Variants in DHRS9 observed in about 807,000 individuals in gnomAD.
The protein encoded by DHRS9 is dehydrogenase/reductase SDR family member 9.
In DHRS9, 18 loss-of-function variants were observed where a neutral mutation model predicts 26.6. The ratio of observed to expected loss-of-function variants is 0.68; its 90% confidence interval spans 0.47 to 1.00. DHRS9 has a LOEUF of 1.00. DHRS9 is among the 50% of genes least tolerant of loss of function. DHRS9 has a pLI of 0.00. For synonymous variants in DHRS9, 134 were observed against 141.1 expected, an observed-to-expected ratio of 0.95 and a Z score of 0.36; for missense variants, 425 against 378.7, an observed-to-expected ratio of 1.12 and a Z score of -1.01.
chr2:169,087,418 A>G (rs2105297870), intron 3 of DHRS9, among the ~76,000 whole-genome samples: 1 of 152,126 alleles, frequency 6.6e-6, no homozygotes, highest in Admixed American at 6.5e-5. Flanking sequence ...GAGAAATGCC[A>G]TCTAAGAGCC....
rs754346896 is a variant in DHRS9 at position 169,081,752 on chromosome 2, C to A, written c.171C>A (p.Ile57=). 3 of 1,614,156 alleles carry A rather than the reference C, an allele frequency of 1.9e-6. No individual in the cohort carries two copies. The highest frequency in any genetic ancestry group is 2.5e-6 in the Non-Finnish European group (3 of 1,180,026). The change falls in exon 2 of 5, where the codon ATC becomes ATA. Residue 57 remains isoleucine (I), a synonymous_variant. Transcript: ENST00000674881. ...TTGATAAAAAGGGATTTCATGTAAT[C>A]GCTGCCTGTCTGACTGAATCAGGAT... ...RTFDKKGFHV[I]AACLTESGST...
chr2:169,073,703 G>C (rs1324835046), intron 1 of DHRS9, among the ~76,000 whole-genome samples: 1 of 152,036 alleles, frequency 6.6e-6, no homozygotes, highest in Non-Finnish European at 1.5e-5. Flanking sequence ...TTTATATAGA[G>C]GGAAATTAAT....
chr2:169,094,051 C>T (rs1394144468), intron 4 of DHRS9, among the ~76,000 whole-genome samples: 12 of 152,188 alleles, frequency 7.9e-5, no homozygotes, highest in African/African-American at 2.7e-4. Context: ...TACATTCTCA[C>T]AAACAGTATA....
At chr2:169,081,431 T>A (rs1187400485) in intron 1 of DHRS9, 92 bp from the exon 2 acceptor site, 1 of 1,382,470 alleles carries the variant, frequency 7.2e-7, no homozygotes, top group Non-Finnish European at 9.5e-7. Context: ...TTATCCACAC[T>A]AATGCATTAA....
upstream of DHRS9, chr2:169,067,304 T>A (rs1420035140): frequency 7.8e-6 from 12 of 1,533,158 alleles, no homozygotes; most frequent in Non-Finnish European, 8.7e-6. Context: ...CATCTTAGAA[T>A]GATCTGTGAC....
intron 3 of DHRS9, among the ~76,000 whole-genome samples, chr2:169,084,437 A>T (rs1476437377): frequency 6.6e-6 from 1 of 152,152 alleles, no homozygotes; most frequent in Non-Finnish European, 1.5e-5. Flanking sequence ...TAGTGGTTGT[A>T]CTAATTTACA....
At chr2:169,070,261 A>C (rs1029180902) in intron 1 of DHRS9, 2 of 985,258 alleles carry the variant, frequency 2.0e-6, no homozygotes, top group African/African-American at 3.5e-5. Context: ...ATTCCCAACA[A>C]TTCATATTTG....
At chr2:169,078,450 C>T (rs986162123) in intron 1 of DHRS9, among the ~76,000 whole-genome samples, 33 of 152,290 alleles carry the variant, frequency 2.2e-4, no homozygotes, top group Admixed American at 1.2e-3. Context: ...AAACATTTCG[C>T]CTTTCGGTGA....
chr2:169,094,403 C>A (rs1350152688), intron 4 of DHRS9, among the ~76,000 whole-genome samples: 1 of 152,056 alleles, frequency 6.6e-6, no homozygotes. Context: ...GTTTCCTTTG[C>A]TGTGCAGAAG....
chr2:169,081,757 C>T lies in DHRS9; in HGVS notation c.176C>T (p.Ala59Val). ...FDKKGFHVIAACLTESGSTAL... is the reference protein window; with the variant it reads ...FDKKGFHVIAVCLTESGSTAL... ...AAAAAGGGATTTCATGTAATCGCTG[C>T]CTGTCTGACTGAATCAGGATCAACA... The change falls in exon 2 of 5, where the codon GCC (alanine) becomes GTC (valine). Residue 59 changes from alanine (A) to valine (V), a missense_variant. By Grantham distance (64) the Ala-to-Val change is moderately conservative (BLOSUM62 0). Coordinates refer to ENST00000674881, the MANE Select transcript of DHRS9 (RefSeq NM_001376924.1). 2 of 1,614,132 alleles carry T rather than the reference C, an allele frequency of 1.2e-6. No individual in the cohort carries two copies. The highest frequency in any genetic ancestry group is 4.5e-5 in the East Asian group (2 of 44,882).
chr2:169,070,299 A>G (rs1482782899), intron 1 of DHRS9: 1 of 985,338 alleles, frequency 1.0e-6, no homozygotes, highest in African/African-American at 1.7e-5. Flanking sequence ...TGGCAGCAAT[A>G]AGCCTGCTTT....
At chr2:169,088,991 C>A (rs1228159658) in intron 3 of DHRS9, among the ~76,000 whole-genome samples, 1 of 152,172 alleles carries the variant, frequency 6.6e-6, no homozygotes, top group Non-Finnish European at 1.5e-5. Flanking sequence ...TGTGCTTAAT[C>A]CATCTTACCT....
Position 169,081,062 on chromosome 2 carries a change from T to C in DHRS9, c.-59-461T>C, listed in dbSNP as rs530338270. 23 of 858,736 alleles carry C rather than the reference T, an allele frequency of 2.7e-5. No homozygotes were observed. The East Asian group carries it at 4.9e-4, about 18-fold the overall frequency. 53.2% of individuals were successfully genotyped at this position (858,736 alleles called of 1,614,324 possible). A position where few individuals can be genotyped will look rare whatever the true frequency, so the allele number is the denominator to read the frequency against. On this transcript the variant is annotated intron_variant, in intron 1 of 4. Transcript: ENST00000674881. ...TCTTCTCCTGACAGTTTGAAGATAA[T>C]TGGGAGTCTGACAGAACAATTAAAA...
chr2:169,079,137 A>G (rs149010230), intron 1 of DHRS9, among the ~76,000 whole-genome samples: 93 of 151,822 alleles, frequency 6.1e-4, no homozygotes, highest in African/African-American at 2.1e-3. Flanking sequence ...GTGAGCCACC[A>G]GGCCCGGCTG....
chr2:169,080,842 C>T (rs1286448997), intron 1 of DHRS9, among the ~76,000 whole-genome samples: 4 of 152,044 alleles, frequency 2.6e-5, no homozygotes. Flanking sequence ...GTGCATTGGC[C>T]AGCATTTCCC....
chr2:169,069,926 G>C (rs1442389512), intron 1 of DHRS9, among the ~76,000 whole-genome samples: 4 of 152,260 alleles, frequency 2.6e-5, no homozygotes. Flanking sequence ...CTGGGATCTT[G>C]CCTTGAACTC....
chr2:169,092,032 A>G, intron 4 of DHRS9, 79 bp downstream of exon 4: 1 of 1,478,900 alleles, frequency 6.8e-7, no homozygotes, highest in South Asian at 1.3e-5. Flanking sequence ...TACAGATGAA[A>G]TAACAAGGTT....
Position 169,070,453 on chromosome 2 carries a change from G to A in DHRS9, c.-60+736G>A, listed in dbSNP as rs1303379220. 4.1e-6 allele frequency: 4 copies of A among 985,228 alleles called. No homozygotes were observed. The African/African-American group carries it at 7.0e-5, about 17-fold the overall frequency. 61.0% of individuals were successfully genotyped at this position (985,228 alleles called of 1,614,324 possible). ...CAATCAAGTTAGAGTTGTACAAATG[G>A]CTCTGAAATGTCCCACTACACTGTT... On this transcript the variant is annotated intron_variant, in intron 1 of 4. Transcript: ENST00000674881.
intron 1 of DHRS9, chr2:169,074,221 T>G (rs1043762125): frequency 1.1e-5 from 11 of 959,722 alleles, no homozygotes; most frequent in Non-Finnish European, 1.4e-5. Flanking sequence ...CACCCAGTAC[T>G]CTCCAAGGTA....
Sources: gnomAD v4.1 joint callset for allele counts (sites outside exome capture counted in the v4.1 genomes callset) on GRCh38, gnomAD v4.1.1 for gene constraint, MANE v1.5 for transcripts, NCBI Gene and HGNC (gene_info 2026-07-23, HGNC 2026-07-21) for gene names.